The following FRMD3 variants were observed in gnomAD, a reference collection of about 807,000 sequenced individuals.
FRMD3 encodes FERM domain-containing protein 3.
A neutral mutation model predicts 70.2 loss-of-function variants in FRMD3; 33 were observed. The observed-to-expected ratio is 0.47, with a 90% confidence interval of 0.36 to 0.63. FRMD3 has a LOEUF of 0.63. Ranked by LOEUF, FRMD3 falls within the 20% of genes least tolerant of loss-of-function variation. FRMD3 has a pLI of 0.00. For missense variants in FRMD3, 632 were observed against 711.4 expected, an observed-to-expected ratio of 0.89 and a Z score of 1.27; for synonymous variants, 279 against 255.9, an observed-to-expected ratio of 1.09 and a Z score of -0.86.
intron 1 of FRMD3, among the ~76,000 whole-genome samples, chr9:83,526,309 A>C (rs1323180996): frequency 6.6e-6 from 1 of 152,172 alleles, no homozygotes; most frequent in East Asian, 1.9e-4. Flanking sequence ...GCACAGGACC[A>C]CACAAGTTAT....
At chr9:83,280,652 T>A (rs1563991679) in intron 13 of FRMD3, among the ~76,000 whole-genome samples, 1 of 152,220 alleles carries the variant, frequency 6.6e-6, no homozygotes, top group Non-Finnish European at 1.5e-5. Flanking sequence ...TTTCCAAATC[T>A]TCTTTTGGGG....
intron 3 of FRMD3, among the ~76,000 whole-genome samples, chr9:83,352,390 C>T (rs1485628353): frequency 1.3e-5 from 2 of 152,142 alleles, no homozygotes; most frequent in East Asian, 1.9e-4. Flanking sequence ...TTCTTAGTGT[C>T]GTAAGTTGGC....
rs776098844 is a variant in FRMD3, at chr9:83,299,201, A to G, written c.927-15T>C. Reference sequence around the variant, plus strand: ...ATTTTGCATACCTTTAAGAAAAAGCAAAGCACAGGTGGTTAGGACATTGGA... The same window carrying G: ...ATTTTGCATACCTTTAAGAAAAAGCGAAGCACAGGTGGTTAGGACATTGGA... On this transcript the variant is annotated splice_polypyrimidine_tract_variant and intron_variant, in intron 10 of 13. Transcript: ENST00000304195. 1.3e-6 allele frequency: 2 copies of G among 1,584,244 alleles called. No individual in the cohort carries two copies. Among genetic ancestry groups the G allele is most frequent in the Non-Finnish European group, 1.7e-6 (2 of 1,155,370 alleles).
intron 1 of FRMD3, among the ~76,000 whole-genome samples, chr9:83,403,148 C>T (rs373882988): frequency 2.0e-5 from 3 of 152,004 alleles, no homozygotes; most frequent in East Asian, 3.9e-4. Flanking sequence ...AGGTGATTCG[C>T]CTGCCTCAGC....
Position 83,472,389 on chromosome 9 carries a change from C to T in FRMD3, c.147+65696G>A, listed in dbSNP as rs569163651. On this transcript the variant is annotated intron_variant, in intron 1 of 13. Coordinates refer to ENST00000304195, the MANE Select transcript of FRMD3 (RefSeq NM_174938.6). The stretch of plus-strand genomic sequence containing the variant: ...ACATGCCCCCAAAGAGTTCAGGAAA[C>T]GCTCATCAGGAACAAAGGTTAGTAA... 2.5e-3 allele frequency among the ~76,000 whole-genome samples: 386 copies of T among 152,284 alleles called. 2 individuals carry two copies. Among genetic ancestry groups the T allele is most frequent in the Middle Eastern group, 6.8e-3 (2 of 294 alleles).
chr9:83,567,933 A>G, the FRMD3 span, among the ~76,000 whole-genome samples: 2 of 152,106 alleles, frequency 1.3e-5, no homozygotes, highest in Non-Finnish European at 2.9e-5. Flanking sequence ...TTCCAAAGTC[A>G]CTTCCACATT....
At chr9:83,513,038 T>C (rs1007841245) in intron 1 of FRMD3, among the ~76,000 whole-genome samples, 3 of 152,130 alleles carry the variant, frequency 2.0e-5, no homozygotes, top group African/African-American at 7.2e-5. Flanking sequence ...CTGTCGCAAA[T>C]ACAAGCCCAC....
chr9:83,465,428 T>A (rs986248274), intron 1 of FRMD3, among the ~76,000 whole-genome samples: 2 of 152,164 alleles, frequency 1.3e-5, no homozygotes, highest in Non-Finnish European at 2.9e-5. Flanking sequence ...CTGTATCTTG[T>A]TAATAAATAA....
At chr9:83,269,658 G>A (rs1050130596) in intron 13 of FRMD3, among the ~76,000 whole-genome samples, 9 of 151,696 alleles carry the variant, frequency 5.9e-5, no homozygotes, top group Non-Finnish European at 1.0e-4. Flanking sequence ...GCAGCAAGCC[G>A]AGATCTCACC....
chr9:83,498,585 T>C (rs1828994196), intron 1 of FRMD3, among the ~76,000 whole-genome samples: 1 of 152,204 alleles, frequency 6.6e-6, no homozygotes, highest in Non-Finnish European at 1.5e-5. Context: ...TCCTCAGTCA[T>C]ACTAGCTGTA....
intron 13 of FRMD3, 96 bp from the exon 14 acceptor site, chr9:83,248,612 C>A: frequency 8.0e-7 from 1 of 1,256,058 alleles, no homozygotes; most frequent in South Asian, 1.6e-5. Flanking sequence ...TAATGGGATT[C>A]AAGCAATCTA....
the FRMD3 span, among the ~76,000 whole-genome samples, chr9:83,583,038 A>C: frequency 6.6e-6 from 1 of 152,230 alleles, no homozygotes; most frequent in Non-Finnish European, 1.5e-5. Flanking sequence ...TCCAGATGAT[A>C]TTTAAGATCT....
At chr9:83,488,801 A>G (rs762313267) in intron 1 of FRMD3, among the ~76,000 whole-genome samples, 18 of 152,202 alleles carry the variant, frequency 1.2e-4, no homozygotes, top group Non-Finnish European at 2.5e-4. Context: ...GATTAATTAA[A>G]GAGCATGAAT....
chr9:83,247,755 T>C lies in FRMD3; in HGVS notation c.*163A>G. On this transcript the variant is annotated 3_prime_UTR_variant, in exon 14 of 14. Coordinates refer to ENST00000304195, the MANE Select transcript of FRMD3 (RefSeq NM_174938.6). ...ATAACTGTATTTGATTTAAACTTATTTAAGTGCAGTGAATTATGGAAAGCT... is the reference window on the plus strand; with the variant it reads ...ATAACTGTATTTGATTTAAACTTATCTAAGTGCAGTGAATTATGGAAAGCT... 6.8e-7 allele frequency: 1 copy of C among 1,466,216 alleles called. No individual in the cohort carries two copies. The allele number at this position is 1,466,216 out of a possible 1,614,324, so 90.8% of individuals were successfully genotyped here. A position where few individuals can be genotyped will look rare whatever the true frequency, so the allele number is the denominator to read the frequency against.
At chr9:83,332,047 G>GC (rs1823396346) in intron 6 of FRMD3, 4 of 623,920 alleles carry the variant, frequency 6.4e-6, no homozygotes, top group Admixed American at 2.7e-5. Flanking sequence ...GGTGGGCGGA[G>GC]CCCCCCAGCT....
At chr9:83,575,537 A>G in the FRMD3 span, among the ~76,000 whole-genome samples, 1 of 152,166 alleles carries the variant, frequency 6.6e-6, no homozygotes, top group Non-Finnish European at 1.5e-5. Flanking sequence ...AAATGTGACT[A>G]GGGAATTCTC....
rs1438256138 is a variant in FRMD3, at chr9:83,507,687, CATACATATATAT to C, written c.147+30386_147+30397del. 9.1e-3 allele frequency among the ~76,000 whole-genome samples: 429 copies of C among 46,922 alleles called. 31 individuals are homozygous for C. The highest frequency in any genetic ancestry group is 0.019 in the South Asian group (19 of 978). 30.8% of individuals were successfully genotyped at this position (46,922 alleles called of 152,430 possible). A position where few individuals can be genotyped will look rare whatever the true frequency, so the allele number is the denominator to read the frequency against. Reference sequence around the variant, plus strand: ...TCCGTCTCAAACAAAAAAAAATATACATACATATATATATATATATATATATATATATATATA... The same window carrying C: ...TCCGTCTCAAACAAAAAAAAATATACATATATATATATATATATATATATA... On this transcript the variant is annotated intron_variant, in intron 1 of 13. Coordinates refer to ENST00000304195, the MANE Select transcript of FRMD3 (RefSeq NM_174938.6).
rs1471287120 is a variant in FRMD3 at position 83,357,249 on chromosome 9, A to G, written c.296-7492T>C. ...TTTTATATATATATAATACATACAT[A>G]TATATATATATATATATATATATAT... On this transcript the variant is annotated intron_variant, in intron 3 of 13. Coordinates refer to ENST00000304195, the MANE Select transcript of FRMD3 (RefSeq NM_174938.6). Among the ~76,000 whole-genome samples, 20 of 3,446 alleles carry G rather than the reference A, an allele frequency of 5.8e-3. 2 individuals are homozygous for G. Among genetic ancestry groups the G allele is most frequent in the African/African-American group, 0.023 (18 of 774 alleles). 2.3% of individuals were successfully genotyped at this position (3,446 alleles called of 152,430 possible).
intron 1 of FRMD3, among the ~76,000 whole-genome samples, chr9:83,442,665 C>T (rs1353446534): frequency 6.6e-6 from 1 of 151,942 alleles, no homozygotes; most frequent in African/African-American, 2.4e-5. Context: ...CATTCCCCCT[C>T]CACGACCACC....
Sources: allele counts gnomAD v4.1 joint callset (sites outside exome capture counted in the v4.1 genomes callset), GRCh38; gene constraint gnomAD v4.1.1; transcripts MANE v1.5; gene names NCBI Gene and HGNC (gene_info 2026-07-23, HGNC 2026-07-21).